Variants in ZGRF1 observed in about 807,000 individuals in gnomAD.
The protein encoded by ZGRF1 is 5'-3' DNA helicase ZGRF1.
ZGRF1 carries 196 observed loss-of-function variants against 203.5 expected under a neutral mutation model. The observed-to-expected ratio is 0.96, with a 90% CI of 0.86 to 1.08. The LOEUF is 1.08. Among genes scored for constraint, ZGRF1 ranks in the 50% least tolerant of loss-of-function variants. The pLI is 0.00. For missense variants in ZGRF1, 2,326 were observed against 2,416.3 expected (o/e 0.96, Z 0.78); for synonymous variants, 809 against 841.3 (o/e 0.96, Z 0.66).
rs1462055526 is a variant in ZGRF1 at position 112,587,302 on chromosome 4, T to C, written c.3755A>G (p.Asn1252Ser). 1.2e-6 allele frequency: 2 copies of C among 1,611,006 alleles called. No homozygotes were observed. ...CACCTGTAAATCCTTTACACTGTAG[T>C]TGTAGCAGGTAGACCCTCCTAATAC... ...KNVLGGSTCY[N>S]YSVKDLQEIS... The change falls in exon 12 of 28, where the codon AAC becomes AGC. Residue 1252 changes from asparagine (N) to serine (S), a missense_variant. Physicochemically the swap from Asn to Ser is conservative, Grantham distance 46. Coordinates refer to ENST00000505019, the MANE Select transcript of ZGRF1 (RefSeq NM_018392.5).
At position 112,597,470 on chromosome 4, in the gene ZGRF1, G is replaced by A. The variant is rs546440562; in HGVS notation, c.2976+6054C>T. On this transcript the variant is annotated intron_variant, in intron 10 of 27. Transcript: ENST00000505019. ...GCCCAGGAGTTTGAGGCTACAGTGA[G>A]TTATAATTGTGCCACTGCACTCCAG... is the stretch of plus-strand genomic sequence containing the variant. Among the ~76,000 whole-genome samples, 4 of 152,146 alleles carry A rather than the reference G, an allele frequency of 2.6e-5. No homozygotes were observed. The South Asian group carries it at 6.2e-4, about 24-fold the overall frequency.
chr4:112,610,805 T>C (rs1469755634), intron 7 of ZGRF1: 3 of 158,342 alleles, frequency 1.9e-5, no homozygotes, highest in African/African-American at 4.8e-5. Flanking sequence ...AAGCACAAGA[T>C]AGCCATAGGA....
At chr4:112,574,896 C>T (rs371597412) in intron 16 of ZGRF1, among the ~76,000 whole-genome samples, 10 of 151,910 alleles carry the variant, frequency 6.6e-5, no homozygotes, top group South Asian at 2.1e-4. Flanking sequence ...TGTGGTAGCG[C>T]GCATCTGTAA....
intron 18 of ZGRF1, among the ~76,000 whole-genome samples, chr4:112,561,692 C>T (rs901582554): frequency 1.3e-5 from 2 of 151,738 alleles, no homozygotes; most frequent in African/African-American, 2.4e-5. Context: ...ATGGCTATAT[C>T]GAGAATAAAA....
chr4:112,586,399 T>C, intron 13 of ZGRF1, 46 bp downstream of exon 13: 1 of 1,442,544 alleles, frequency 6.9e-7, no homozygotes, highest in Non-Finnish European at 9.3e-7. Flanking sequence ...TTTTACTACT[T>C]ACATGAAGCA....
chr4:112,541,271 A>T lies in ZGRF1; in HGVS notation c.5599-3T>A. 3 of 1,492,056 alleles carry T rather than the reference A, an allele frequency of 2.0e-6. No individual in the cohort carries two copies. Among genetic ancestry groups the T allele is most frequent in the Non-Finnish European group, 2.7e-6 (3 of 1,106,622 alleles). 92.4% of individuals were successfully genotyped at this position (1,492,056 alleles called of 1,614,324 possible). A position where few individuals can be genotyped will look rare whatever the true frequency, so the allele number is the denominator to read the frequency against. ...CTCAATAGAATTGGCTTGTGACCCT[A>T]AGAAATTTAAATGAAGAAAAATAAA... On this transcript the variant is annotated splice_region_variant and splice_polypyrimidine_tract_variant and intron_variant, in intron 24 of 27. Transcript: ENST00000505019.
intron 6 of ZGRF1, among the ~76,000 whole-genome samples, chr4:112,617,132 A>G (rs1196892135): frequency 2.6e-5 from 4 of 152,162 alleles, no homozygotes; most frequent in Non-Finnish European, 5.9e-5. Context: ...ACATACATAT[A>G]TATGTACGTT....
At chr4:112,598,462 A>C (rs1749402139) in intron 10 of ZGRF1, among the ~76,000 whole-genome samples, 1 of 141,906 alleles carries the variant, frequency 7.0e-6, no homozygotes, top group Non-Finnish European at 1.5e-5. Flanking sequence ...AAAACATTGA[A>C]TATATATTTA....
chr4:112,586,385 A>G, intron 13 of ZGRF1, 60 bp downstream of exon 13: 1 of 1,318,548 alleles, frequency 7.6e-7, no homozygotes, highest in Non-Finnish European at 1.0e-6. Context: ...TTAAATTCTC[A>G]CAATTTTACT....
intron 1 of ZGRF1, among the ~76,000 whole-genome samples, chr4:112,636,370 T>C (rs958369536): frequency 3.3e-5 from 5 of 152,244 alleles, no homozygotes; most frequent in Non-Finnish European, 1.5e-5. Flanking sequence ...TGAGCCATTA[T>C]TCATTTAAAT....
intron 10 of ZGRF1, among the ~76,000 whole-genome samples, 173 bp downstream of exon 10, chr4:112,603,351 A>AT (rs1199342081): frequency 6.6e-6 from 1 of 152,368 alleles, no homozygotes; most frequent in African/African-American, 2.4e-5. Flanking sequence ...AAAGTAATAC[A>AT]TCTTTCAAGT....
chr4:112,543,244 G>A (rs532358366), intron 24 of ZGRF1, among the ~76,000 whole-genome samples: 2 of 151,806 alleles, frequency 1.3e-5, no homozygotes, highest in Non-Finnish European at 2.9e-5. Context: ...TTCTTCTACC[G>A]CCTTTCCCAG....
intron 16 of ZGRF1, chr4:112,564,989 T>C (rs770598625): frequency 8.1e-5 from 72 of 887,810 alleles, no homozygotes; most frequent in Non-Finnish European, 1.3e-4. Context: ...CTCTGTACCA[T>C]GGCTCGTACA....
At position 112,586,588 on chromosome 4, in the gene ZGRF1, A is replaced by C. The variant is rs754458622; in HGVS notation, c.3778-5T>G. ...CAGCTCAGAGCCACTTATCTCCTGC[A>C]ATGGAATAATTCAAGTTATCATAGC... is the stretch of plus-strand genomic sequence containing the variant. On this transcript the variant is annotated splice_polypyrimidine_tract_variant and splice_region_variant and intron_variant, in intron 12 of 27. Transcript: ENST00000505019. 5 of 1,595,476 alleles carry C rather than the reference A, an allele frequency of 3.1e-6. No homozygotes were observed. The highest frequency in any genetic ancestry group is 4.3e-6 in the Non-Finnish European group (5 of 1,169,568).
intron 24 of ZGRF1, chr4:112,546,642 G>GATGGATTTGTGA (rs1000854351): frequency 6.6e-6 from 1 of 152,174 alleles, no homozygotes; most frequent in Non-Finnish European, 1.5e-5. Context: ...CTCATAAAAG[G>GATGGATTTGTGA]ATGGATTTGT....
intron 3 of ZGRF1, among the ~76,000 whole-genome samples, chr4:112,629,548 T>C (rs2047341738): frequency 6.6e-6 from 1 of 151,364 alleles, no homozygotes; most frequent in Non-Finnish European, 1.5e-5. Context: ...TGTGTGCCTG[T>C]GGTTCCAGCT....
At chr4:112,562,618 C>A in intron 17 of ZGRF1, 133 bp from the exon 18 acceptor site, 1 of 601,952 alleles carries the variant, frequency 1.7e-6, no homozygotes, top group Non-Finnish European at 3.0e-6. Flanking sequence ...CCCTTAAACA[C>A]ACACAGAGAT....
chr4:112,618,907 C>A lies in ZGRF1; in HGVS notation c.1135G>T (p.Ala379Ser), dbSNP rs760798676. ...QKIIQFVETY[A>S]EERKKYNVDQ... ...ACATTATACTTTTTCCTCTCTTCAG[C>A]ATACGTTTCAACGAACTGTATAATT... Residue 379 changes from alanine to serine, a missense_variant, in exon 6 of 28, where the codon GCT becomes TCT. Coordinates refer to ENST00000505019, the MANE Select transcript of ZGRF1 (RefSeq NM_018392.5). 6.2e-7 allele frequency: 1 copy of A among 1,613,876 alleles called. No homozygotes were observed.
chr4:112,569,610 C>T lies in ZGRF1; in HGVS notation c.4439-6336G>A, dbSNP rs1342666994. Among the ~76,000 whole-genome samples the T allele has an allele frequency of 4.0e-5, 6 of 151,472 alleles. No individual in the cohort carries two copies. In the East Asian group the frequency reaches 1.2e-3, roughly 29 times the overall value. ...TTCTAAGTATCTGTTTTATTGGGGG[C>T]AGGGATAAGATTTAAATATCAATTT... On this transcript the variant is annotated intron_variant, in intron 16 of 27. Coordinates refer to ENST00000505019, the MANE Select transcript of ZGRF1 (RefSeq NM_018392.5).
Sources: allele counts gnomAD v4.1 joint callset (sites outside exome capture counted in the v4.1 genomes callset), GRCh38; gene constraint gnomAD v4.1.1; transcripts MANE v1.5; gene names NCBI Gene and HGNC (gene_info 2026-07-23, HGNC 2026-07-21).